ANO4: variants seen among roughly 807,000 people sequenced by gnomAD.
ANO4 encodes the protein anoctamin 4.
ANO4 carries 69 observed loss-of-function variants against 141.9 expected under a neutral mutation model. That is an observed-to-expected ratio of 0.49 (90% CI 0.40 to 0.59). The LOEUF (loss-of-function observed/expected upper bound fraction) is 0.59, where lower values mean the gene tolerates loss of function less well. ANO4 is among the 20% of genes least tolerant of loss of function. The probability of loss-of-function intolerance (pLI) is 0.00; values close to 1 mark genes in which losing one functional copy is unlikely to be tolerated. For missense variants in ANO4, 894 were observed against 1,162.2 expected, an observed-to-expected ratio of 0.77 and a Z score of 3.36; for synonymous variants, 350 against 394.3, an observed-to-expected ratio of 0.89 and a Z score of 1.33.
chr12:100,818,847 G>A (rs940057097), intron 1 of ANO4, among the ~76,000 whole-genome samples: 7 of 151,796 alleles, frequency 4.6e-5, no homozygotes, highest in African/African-American at 1.7e-4. Flanking sequence ...CAGCACTACT[G>A]CTAAGATCCT....
At chr12:100,808,484 G>A (rs1305596960) in intron 1 of ANO4, among the ~76,000 whole-genome samples, 1 of 152,086 alleles carries the variant, frequency 6.6e-6, no homozygotes, top group Non-Finnish European at 1.5e-5. Flanking sequence ...AAATTTGGGA[G>A]AATTTTTTAT....
At chr12:101,077,169 G>A (rs1037636893) in intron 14 of ANO4, among the ~76,000 whole-genome samples, 1 of 152,290 alleles carries the variant, frequency 6.6e-6, no homozygotes, top group South Asian at 2.1e-4. Context: ...AAAACCCTGG[G>A]CACTGAGTTT....
At chr12:101,101,899 G>A (rs1162452280) in intron 22 of ANO4, among the ~76,000 whole-genome samples, 1 of 152,024 alleles carries the variant, frequency 6.6e-6, no homozygotes, top group African/African-American at 2.4e-5. Context: ...CCTGGCCAAT[G>A]TGGTGAAACG....
intron 14 of ANO4, among the ~76,000 whole-genome samples, chr12:101,059,778 T>C (rs1456532337): frequency 6.6e-6 from 1 of 152,236 alleles, no homozygotes; most frequent in Non-Finnish European, 1.5e-5. Flanking sequence ...TCTTGTCTTC[T>C]TTATTAGTCT....
chr12:101,071,351 A>AG (rs1055537456), intron 14 of ANO4, among the ~76,000 whole-genome samples: 5 of 151,848 alleles, frequency 3.3e-5, no homozygotes, highest in African/African-American at 1.2e-4. Flanking sequence ...AAAAAAAAAA[A>AG]AGAGAATGAC....
intron 7 of ANO4, among the ~76,000 whole-genome samples, chr12:100,976,131 A>T (rs1469153021): frequency 6.6e-6 from 1 of 152,126 alleles, no homozygotes; most frequent in Non-Finnish European, 1.5e-5. Flanking sequence ...TTATGTTTTC[A>T]TTCACCCTGA....
chr12:100,802,795 A>G (rs2034776605), intron 1 of ANO4, among the ~76,000 whole-genome samples: 2 of 152,166 alleles, frequency 1.3e-5, no homozygotes, highest in South Asian at 4.1e-4. Flanking sequence ...GGGAAAAAAA[A>G]TGAAGAATGC....
chr12:101,112,768 T>C (rs1434874699), intron 24 of ANO4, among the ~76,000 whole-genome samples: 1 of 152,196 alleles, frequency 6.6e-6, no homozygotes, highest in Non-Finnish European at 1.5e-5. Context: ...GTGTGGATGA[T>C]TGAGGAATGT....
chr12:101,039,614 A>G (rs2047338551), intron 10 of ANO4, among the ~76,000 whole-genome samples: 1 of 152,200 alleles, frequency 6.6e-6, no homozygotes, highest in Admixed American at 6.5e-5. Context: ...TAAGAAACCA[A>G]ATGGGACAAA....
intron 26 of ANO4, among the ~76,000 whole-genome samples, chr12:101,125,593 T>C (rs954497546): frequency 6.6e-6 from 1 of 152,200 alleles, no homozygotes; most frequent in African/African-American, 2.4e-5. Flanking sequence ...TGAAGGGATG[T>C]TGGATTGTTA....
intron 1 of ANO4, among the ~76,000 whole-genome samples, chr12:100,868,866 C>T (rs1334966727): frequency 6.6e-6 from 1 of 152,210 alleles, no homozygotes; most frequent in East Asian, 1.9e-4. Flanking sequence ...GGTATTCTTG[C>T]CAAAGGCTGA....
chr12:100,750,187 T>C (rs2032309819), intron 3 of ANO4, among the ~76,000 whole-genome samples: 1 of 151,988 alleles, frequency 6.6e-6, no homozygotes, highest in Non-Finnish European at 1.5e-5. Context: ...CAGGCTGTAG[T>C]GCAGTGGCAT....
At chr12:100,948,119 G>A (rs1395959088) in intron 5 of ANO4, among the ~76,000 whole-genome samples, 1 of 132,296 alleles carries the variant, frequency 7.6e-6, no homozygotes, top group Non-Finnish European at 1.5e-5. Flanking sequence ...CCACTGCACT[G>A]CAGCCTGGGT....
chr12:100,862,894 T>C (rs1287253297), intron 1 of ANO4, among the ~76,000 whole-genome samples: 1 of 152,214 alleles, frequency 6.6e-6, no homozygotes, highest in African/African-American at 2.4e-5. Context: ...GTCAGGCAGC[T>C]GTAAGTGCTA....
intron 22 of ANO4, among the ~76,000 whole-genome samples, chr12:101,104,629 A>G (rs634007): frequency 0.23 from 5,143 of 22,160 alleles, 81 homozygotes; most frequent in East Asian, 0.3. Flanking sequence ...GTATGTGTGT[A>G]TATATATATA....
At chr12:101,088,703 G>A (rs1261468882) in intron 17 of ANO4, among the ~76,000 whole-genome samples, 1 of 151,958 alleles carries the variant, frequency 6.6e-6, no homozygotes, top group East Asian at 1.9e-4. Flanking sequence ...GCTCATGCCT[G>A]TAATCCCAGC....
intron 1 of ANO4, among the ~76,000 whole-genome samples, chr12:100,834,531 CAT>C (rs147271666): frequency 0.023 from 3,451 of 152,186 alleles, 130 homozygotes; most frequent in African/African-American, 0.078. Flanking sequence ...ATATTCATGA[CAT>C]ATTTATTAAC....
At chr12:100,885,044 C>T (rs1295979726) in intron 1 of ANO4, among the ~76,000 whole-genome samples, 2 of 152,322 alleles carry the variant, frequency 1.3e-5, no homozygotes, top group East Asian at 1.9e-4. Context: ...GACTCATGGT[C>T]CCTCTTTCAT....
intron 1 of ANO4, among the ~76,000 whole-genome samples, chr12:100,865,457 A>G (rs557825096): frequency 2.6e-5 from 4 of 152,304 alleles, no homozygotes; most frequent in Non-Finnish European, 5.9e-5. Context: ...ACTTAAACAA[A>G]TTTATGAGAA....
Sources: gnomAD v4.1 joint callset for allele counts (sites outside exome capture counted in the v4.1 genomes callset) on GRCh38, gnomAD v4.1.1 for gene constraint, MANE v1.5 for transcripts, NCBI Gene and HGNC (gene_info 2026-07-23, HGNC 2026-07-21) for gene names.